ZNF618: variants seen among roughly 807,000 people sequenced by gnomAD.
The protein encoded by ZNF618 is neural precursor cell expressed, developmentally down-regulated 10.
Under a neutral mutation model 103.0 loss-of-function variants are expected in ZNF618, and 34 were observed. The observed-to-expected ratio is 0.33, with a 90% CI of 0.25 to 0.44. The LOEUF (loss-of-function observed/expected upper bound fraction) is 0.44, where lower values mean the gene tolerates loss of function less well. Among genes scored for constraint, ZNF618 ranks in the 20% least tolerant of loss-of-function variants. The probability of loss-of-function intolerance (pLI) is 1.00; values close to 1 mark genes in which losing one functional copy is unlikely to be tolerated. For missense variants in ZNF618, 1,059 were observed against 1,295.4 expected (o/e 0.82, Z 2.80); for synonymous variants, 551 against 542.2 (o/e 1.02, Z -0.23).
intron 13 of ZNF618, among the ~76,000 whole-genome samples, chr9:114,040,468 C>G (rs1327411778): frequency 6.6e-6 from 1 of 151,956 alleles, no homozygotes; most frequent in Non-Finnish European, 1.5e-5. Context: ...AGGTATATCT[C>G]CTAATGCTAT....
At chr9:114,037,441 C>T (rs1035945889) in intron 13 of ZNF618, among the ~76,000 whole-genome samples, 4 of 152,124 alleles carry the variant, frequency 2.6e-5, no homozygotes, top group Non-Finnish European at 5.9e-5. Context: ...TGGGTGGAAG[C>T]GTGTCCAGAG....
At chr9:114,016,025 CTTTG>C (rs1285286935) in intron 9 of ZNF618, 34 of 1,309,298 alleles carry the variant, frequency 2.6e-5, no homozygotes, top group South Asian at 1.9e-4. Context: ...AGATGCTGCT[CTTTG>C]TTTGGGGGTT....
Position 114,019,837 on chromosome 9 carries a change from C to G in ZNF618, c.844+3053C>G, listed in dbSNP as rs565884917. ...ACAGCATCATTTGATGAACAGATGT[C>G]TTTCATTTTGATGAAGTCCAGTTTA... On this transcript the variant is annotated intron_variant, in intron 10 of 14. Transcript: ENST00000374126. Among the ~76,000 whole-genome samples, 12 of 152,174 alleles carry G rather than the reference C, an allele frequency of 7.9e-5. No individual in the cohort carries two copies. In the East Asian group the frequency reaches 2.3e-3, roughly 29 times the overall value.
chr9:113,979,068 C>T (rs1444989732), intron 2 of ZNF618, among the ~76,000 whole-genome samples: 3 of 152,142 alleles, frequency 2.0e-5, no homozygotes, highest in Non-Finnish European at 4.4e-5. Flanking sequence ...TGCCAGAGGA[C>T]CAAGCACAAG....
chr9:113,880,550 A>C (rs1272142655), intron 1 of ZNF618, among the ~76,000 whole-genome samples: 1 of 152,192 alleles, frequency 6.6e-6, no homozygotes, highest in Non-Finnish European at 1.5e-5. Flanking sequence ...TGTAAATCAG[A>C]GTGGAGAGTG....
At chr9:113,943,873 A>G (rs907064125) in intron 1 of ZNF618, among the ~76,000 whole-genome samples, 3 of 152,142 alleles carry the variant, frequency 2.0e-5, no homozygotes, top group Non-Finnish European at 4.4e-5. Flanking sequence ...AACAGAGTGC[A>G]GGTGACTTTG....
chr9:113,920,560 C>A (rs1375349304), intron 1 of ZNF618, among the ~76,000 whole-genome samples: 1 of 152,054 alleles, frequency 6.6e-6, no homozygotes, highest in Non-Finnish European at 1.5e-5. Context: ...CGCCACCATG[C>A]CTGGCTAATT....
chr9:114,033,658 G>A (rs1457030407), intron 12 of ZNF618, among the ~76,000 whole-genome samples: 4 of 152,184 alleles, frequency 2.6e-5, no homozygotes, highest in African/African-American at 9.6e-5. Flanking sequence ...GTGCCTGGCT[G>A]GTCACCAGCA....
intron 1 of ZNF618, among the ~76,000 whole-genome samples, chr9:113,900,985 C>G (rs34593865): frequency 2.0e-4 from 10 of 50,332 alleles, no homozygotes; most frequent in African/African-American, 6.6e-4. Flanking sequence ...CCGTCCTCTC[C>G]CGCAAACCCG....
intron 12 of ZNF618, 137 bp downstream of exon 12, chr9:114,032,865 A>C: frequency 1.4e-6 from 1 of 735,872 alleles, no homozygotes; most frequent in Non-Finnish European, 2.4e-6. Context: ...GGCTGGGAGC[A>C]GGGAATTAGA....
intron 13 of ZNF618, among the ~76,000 whole-genome samples, chr9:114,044,145 T>G (rs1845453846): frequency 6.6e-6 from 1 of 152,188 alleles, no homozygotes; most frequent in Admixed American, 6.5e-5. Context: ...AGTGTTTTTC[T>G]GATGTTATCT....
chr9:113,949,904 G>A (rs538149563), intron 1 of ZNF618, among the ~76,000 whole-genome samples: 301 of 152,210 alleles, frequency 2.0e-3, no homozygotes, highest in African/African-American at 5.1e-3. Flanking sequence ...GAGTTGGCAC[G>A]GGAGGCAATT....
chr9:113,885,654 C>A (rs963759534), intron 1 of ZNF618, among the ~76,000 whole-genome samples: 3 of 152,154 alleles, frequency 2.0e-5, no homozygotes. Flanking sequence ...GGGTCTGGGA[C>A]CCCGACACAG....
At chr9:114,028,705 T>A (rs1451233073) in intron 10 of ZNF618, 28 bp from the exon 11 acceptor site, 46 of 1,540,490 alleles carry the variant, frequency 3.0e-5, no homozygotes, top group Non-Finnish European at 4.0e-5. Flanking sequence ...GGGAGGGCCC[T>A]CGGGGACTGA....
At chr9:114,031,466 T>TCTGGCTTC (rs1272841268) in intron 11 of ZNF618, among the ~76,000 whole-genome samples, 6 of 152,228 alleles carry the variant, frequency 3.9e-5, no homozygotes, top group Admixed American at 3.9e-4. Context: ...AGGCACTGCC[T>TCTGGCTTC]CTGGCTTCCT....
chr9:113,915,970 T>C (rs777403682), intron 1 of ZNF618, among the ~76,000 whole-genome samples: 4 of 152,284 alleles, frequency 2.6e-5, no homozygotes, highest in Non-Finnish European at 4.4e-5. Flanking sequence ...ATGATAATTA[T>C]AGTATTTATC....
In ZNF618 at chr9:114,007,353, A is replaced by G. The variant is rs998535450; in HGVS notation, c.554A>G (p.Asn185Ser). ...TSGEGASQSN[N>S]FRYTCDICGK... ...TGTGTGTTTTCATCCCATGCAGACA[A>G]TTTCAGGTACACATGTGATATCTGC... The change falls in exon 7 of 15, where the codon AAT (asparagine) becomes AGT (serine). Residue 185 changes from asparagine to serine, a missense_variant. By Grantham distance (46) the Asn-to-Ser change is conservative. Transcript: ENST00000374126. 1.9e-6 allele frequency: 3 copies of G among 1,613,530 alleles called. No homozygotes were observed. The highest frequency in any genetic ancestry group is 1.7e-4 in the Middle Eastern group (1 of 6,058).
intron 12 of ZNF618, among the ~76,000 whole-genome samples, chr9:114,036,007 AC>A (rs1033896635): frequency 3.3e-5 from 5 of 151,718 alleles, no homozygotes; most frequent in African/African-American, 1.2e-4. Flanking sequence ...TGTCCTCCCT[AC>A]CCCCATCTCA....
chr9:114,028,810 C>T lies in ZNF618; in HGVS notation c.922C>T (p.Pro308Ser). 6.4e-7 allele frequency: 1 copy of T among 1,550,634 alleles called. No individual in the cohort carries two copies. The highest frequency in any genetic ancestry group is 8.7e-7 in the Non-Finnish European group (1 of 1,147,014). Residue 308 changes from proline (P) to serine (S), a missense_variant, in exon 11 of 15, where the codon CCA becomes TCA. Physicochemically the swap from Pro to Ser is moderately conservative, Grantham distance 74. This residue lies in a region of ZNF618 where 434 missense variants were observed against 476.0 expected (regional missense o/e 0.91). Transcript: ENST00000374126. ...TTCACATCCAGAGGTCTCCCCATCT[C>T]CACGCTTCGTGGCAGCGAAGACCCA... ...ECSHPEVSPSPRFVAAKTQTN... is the reference protein window; with the variant it reads ...ECSHPEVSPSSRFVAAKTQTN...
Sources: allele counts gnomAD v4.1 joint callset (sites outside exome capture counted in the v4.1 genomes callset), GRCh38; gene constraint gnomAD v4.1.1; regional missense constraint gnomAD v4.1.1; transcripts MANE v1.5; gene names NCBI Gene and HGNC (gene_info 2026-07-23, HGNC 2026-07-21).